Variants in GRM5 observed in about 807,000 individuals in gnomAD.
The protein encoded by GRM5 is metabotropic glutamate receptor 5.
Under a neutral mutation model 83.1 loss-of-function variants are expected in GRM5, and 19 were observed. The ratio of observed to expected loss-of-function variants is 0.23; its 90% CI spans 0.16 to 0.34. The LOEUF is 0.34. Ranked by LOEUF, GRM5 falls within the 10% of genes least tolerant of loss-of-function variation. The pLI, the probability that GRM5 is intolerant of heterozygous loss-of-function variation, is 1.00. For missense variants in GRM5, 1,160 were observed against 1,588.3 expected, an observed-to-expected ratio of 0.73 and a Z score of 4.58; for synonymous variants, 675 against 633.6, an observed-to-expected ratio of 1.07 and a Z score of -0.98.
chr11:89,030,478 G>A (rs1367985867), intron 2 of GRM5, among the ~76,000 whole-genome samples: 7 of 151,970 alleles, frequency 4.6e-5, no homozygotes, highest in Admixed American at 6.6e-5. Flanking sequence ...TGATAAATAC[G>A]TTCTTTTATT....
chr11:88,749,440 A>G (rs1412966913), intron 3 of GRM5, among the ~76,000 whole-genome samples: 3 of 152,212 alleles, frequency 2.0e-5, no homozygotes, highest in Admixed American at 6.6e-5. Flanking sequence ...ATATGGGATT[A>G]TGTAAAAAGA....
chr11:88,889,804 G>A (rs1014516757), intron 2 of GRM5, among the ~76,000 whole-genome samples: 1 of 152,028 alleles, frequency 6.6e-6, no homozygotes, highest in Non-Finnish European at 1.5e-5. Flanking sequence ...GGTAGTCCTT[G>A]GGAAAAACAG....
intron 2 of GRM5, among the ~76,000 whole-genome samples, chr11:88,876,645 G>T (rs1350558585): frequency 6.6e-6 from 1 of 151,992 alleles, no homozygotes; most frequent in African/African-American, 2.4e-5. Flanking sequence ...CTTTCTTCCA[G>T]TTGAAAATTT....
rs928789584 is a variant in GRM5, at chr11:88,508,245, C to A, written c.*347G>T. 5.5e-6 allele frequency: 1 copy of A among 182,438 alleles called. No homozygotes were observed. 11.3% of individuals were successfully genotyped at this position (182,438 alleles called of 1,614,324 possible). On this transcript the variant is annotated 3_prime_UTR_variant, in exon 10 of 10. Transcript: ENST00000305447. The surrounding 1 kb of genome is among the most constrained non-coding windows in gnomAD (Gnocchi z 4.2). ...TTTTTACAGTTGCTTATTAACTATGCTCTTCACCCTCCGTTACGCTGTTTC... is the reference window on the plus strand; with the variant it reads ...TTTTTACAGTTGCTTATTAACTATGATCTTCACCCTCCGTTACGCTGTTTC...
At chr11:89,020,372 C>T (rs776194416) in intron 2 of GRM5, among the ~76,000 whole-genome samples, 3 of 152,202 alleles carry the variant, frequency 2.0e-5, no homozygotes, top group Admixed American at 6.5e-5. Flanking sequence ...TTACAGGAAA[C>T]ATTCTTAAGC....
chr11:88,619,730 G>C (rs1292072737), intron 4 of GRM5, among the ~76,000 whole-genome samples: 1 of 152,062 alleles, frequency 6.6e-6, no homozygotes, highest in African/African-American at 2.4e-5. Flanking sequence ...TTAAATCTTT[G>C]TGTTAGTTCT....
intron 2 of GRM5, among the ~76,000 whole-genome samples, chr11:88,864,928 T>G (rs1413880567): frequency 6.6e-6 from 1 of 152,078 alleles, no homozygotes; most frequent in Non-Finnish European, 1.5e-5. Flanking sequence ...GATAGTCATG[T>G]GGTTTTTGTC....
At chr11:88,781,616 G>T (rs1344206638) in intron 3 of GRM5, among the ~76,000 whole-genome samples, 1 of 152,164 alleles carries the variant, frequency 6.6e-6, no homozygotes, top group Non-Finnish European at 1.5e-5. Context: ...TTCCCTGGTT[G>T]CATCCAGCAG....
intron 2 of GRM5, among the ~76,000 whole-genome samples, chr11:88,856,416 T>TAC (rs375151552): frequency 7.2e-4 from 109 of 152,170 alleles, no homozygotes; most frequent in Middle Eastern, 3.4e-3. Flanking sequence ...CACTTCCACA[T>TAC]ATTGCCCACT....
intron 4 of GRM5, among the ~76,000 whole-genome samples, chr11:88,639,024 T>G (rs886840535): frequency 3.9e-5 from 6 of 152,284 alleles, no homozygotes; most frequent in African/African-American, 1.2e-4. Flanking sequence ...GTTAATTTGC[T>G]TTTCTTTTAC....
At chr11:89,046,087 T>C (rs564141273) in intron 2 of GRM5, among the ~76,000 whole-genome samples, 2 of 152,288 alleles carry the variant, frequency 1.3e-5, no homozygotes, top group African/African-American at 2.4e-5. Flanking sequence ...CTTTGCCAGA[T>C]TGCAATCCCA....
chr11:88,673,533 T>A (rs1940244977), intron 3 of GRM5, among the ~76,000 whole-genome samples: 1 of 151,968 alleles, frequency 6.6e-6, no homozygotes, highest in Non-Finnish European at 1.5e-5. Flanking sequence ...TTAATTCAGA[T>A]ATTATCAATA....
intron 3 of GRM5, among the ~76,000 whole-genome samples, chr11:88,777,875 A>G (rs1329043721): frequency 6.6e-6 from 1 of 152,024 alleles, no homozygotes; most frequent in African/African-American, 2.4e-5. Flanking sequence ...GTCGGCCCCT[A>G]CTTGGAGATA....
chr11:89,027,122 A>C (rs1591059984), intron 2 of GRM5, among the ~76,000 whole-genome samples: 2 of 146,144 alleles, frequency 1.4e-5, no homozygotes. Context: ...TTTGAGATGG[A>C]CTCTCCCTCT....
At chr11:88,735,913 T>TATTA (rs954081400) in intron 3 of GRM5, among the ~76,000 whole-genome samples, 1 of 151,996 alleles carries the variant, frequency 6.6e-6, no homozygotes. Context: ...AAGATATAAT[T>TATTA]ATTAATTATT....
chr11:88,995,845 A>G (rs1268573303), intron 2 of GRM5, among the ~76,000 whole-genome samples: 1 of 152,200 alleles, frequency 6.6e-6, no homozygotes, highest in Non-Finnish European at 1.5e-5. Flanking sequence ...CAAATGTATA[A>G]GAAGAATGAT....
rs773235460 is a variant in GRM5, at chr11:88,508,556, T to A, written c.*36A>T. 1 of 1,564,344 alleles carries A rather than the reference T, an allele frequency of 6.4e-7. No individual in the cohort carries two copies. On this transcript the variant is annotated 3_prime_UTR_variant, in exon 10 of 10. Coordinates refer to ENST00000305447, the MANE Select transcript of GRM5 (RefSeq NM_001143831.3). This position sits in a 1 kb window ranked among gnomAD's most constrained non-coding sequence, Gnocchi z 4.2. ...TGTGTGTGAACACGGGGGGCTCCGC[T>A]CCGCACGCGCAGGCCGGCGTGCTTT...
intron 3 of GRM5, among the ~76,000 whole-genome samples, chr11:88,722,230 A>C (rs1009314463): frequency 3.3e-5 from 5 of 152,122 alleles, no homozygotes; most frequent in Non-Finnish European, 7.4e-5. Flanking sequence ...GAATAGCAGA[A>C]TTATACTGTT....
intron 1 of GRM5, among the ~76,000 whole-genome samples, chr11:89,054,008 G>A (rs1591081628): frequency 6.6e-6 from 1 of 152,172 alleles, no homozygotes; most frequent in East Asian, 1.9e-4. Flanking sequence ...AACCTGTTTG[G>A]ACTTTAAAAG....
Sources: allele counts gnomAD v4.1 joint callset (sites outside exome capture counted in the v4.1 genomes callset), GRCh38; gene constraint gnomAD v4.1.1; non-coding constraint Gnocchi (gnomAD v3.1); transcripts MANE v1.5; gene names NCBI Gene and HGNC (gene_info 2026-07-23, HGNC 2026-07-21).